Variants in IQSEC1 observed in about 807,000 individuals in gnomAD.
IQSEC1 encodes the protein IQ motif and Sec7 domain ArfGEF 1.
Under a neutral mutation model 91.0 loss-of-function variants are expected in IQSEC1, and 31 were observed. The ratio of observed to expected loss-of-function variants is 0.34; its 90% CI spans 0.26 to 0.46. The LOEUF is 0.46. Ranked by LOEUF, IQSEC1 falls within the 20% of genes least tolerant of loss-of-function variation. The pLI, the probability that IQSEC1 is intolerant of heterozygous loss-of-function variation, is 1.00. For synonymous variants in IQSEC1, 699 were observed against 662.6 expected (o/e 1.05, Z -0.84); for missense variants, 1,388 against 1,575.6 (o/e 0.88, Z 2.02).
chr3:13,246,446 CA>C (rs1695109823), intron 1 of IQSEC1, among the ~76,000 whole-genome samples: 1 of 152,118 alleles, frequency 6.6e-6, no homozygotes, highest in African/African-American at 2.4e-5. Flanking sequence ...GACGGTGGCA[CA>C]TCAGTGTGAG....
intron 1 of IQSEC1, among the ~76,000 whole-genome samples, chr3:13,187,880 C>T (rs1693960788): frequency 6.6e-6 from 1 of 152,142 alleles, no homozygotes; most frequent in South Asian, 2.1e-4. Flanking sequence ...GACAGGAGGC[C>T]TCTGTGTAAC....
At chr3:13,010,927 C>T (rs543693239) in intron 1 of IQSEC1, among the ~76,000 whole-genome samples, 12 of 152,268 alleles carry the variant, frequency 7.9e-5, no homozygotes, top group African/African-American at 2.4e-4. Context: ...AACTCTCCTC[C>T]ACTCCCCACT....
rs183808519 is a variant in IQSEC1 at position 12,942,422 on chromosome 3, G to A, written c.24-557C>T. Among the ~76,000 whole-genome samples the A allele has an allele frequency of 2.1e-3, 312 of 152,060 alleles. 1 individual carries two copies. The highest frequency in any genetic ancestry group is 6.9e-3 in the African/African-American group (287 of 41,418). On this transcript the variant is annotated intron_variant, in intron 1 of 13. Transcript: ENST00000613206. Reference sequence around the variant, plus strand: ...TTGAGACCATCCTGGCTAACACGGCGAAACCCTGTCTCTACTAAAAAATAC... The same window carrying A: ...TTGAGACCATCCTGGCTAACACGGCAAAACCCTGTCTCTACTAAAAAATAC...
chr3:13,136,484 A>G (rs1295471741), intron 2 of IQSEC1, among the ~76,000 whole-genome samples: 2 of 152,236 alleles, frequency 1.3e-5, no homozygotes, highest in African/African-American at 4.8e-5. Flanking sequence ...ACGAGGAAGA[A>G]TGTAAAAGAC....
chr3:13,163,509 C>T (rs1207616526), intron 2 of IQSEC1, among the ~76,000 whole-genome samples: 2 of 108,196 alleles, frequency 1.8e-5, no homozygotes, highest in East Asian at 5.9e-4. Context: ...CCTCAGGCCC[C>T]GTGGCTGGGG....
intron 1 of IQSEC1, among the ~76,000 whole-genome samples, chr3:13,209,579 C>T (rs1005223372): frequency 6.6e-6 from 1 of 152,184 alleles, no homozygotes; most frequent in Non-Finnish European, 1.5e-5. Context: ...CCCTGCCCTC[C>T]CATGTGCCTG....
chr3:13,201,288 G>A (rs974502372), intron 1 of IQSEC1, among the ~76,000 whole-genome samples: 24 of 152,182 alleles, frequency 1.6e-4, no homozygotes, highest in South Asian at 6.2e-4. Context: ...TCCAAGCTGG[G>A]CAGGAGTCCT....
chr3:12,951,990 G>A (rs1378334143), intron 1 of IQSEC1, among the ~76,000 whole-genome samples: 2 of 152,164 alleles, frequency 1.3e-5, no homozygotes, highest in African/African-American at 4.8e-5. Context: ...AGAGTCTGCA[G>A]GAAGCACTGG....
upstream of IQSEC1, among the ~76,000 whole-genome samples, chr3:13,073,472 C>T (rs526658): frequency 0.28 from 42,480 of 152,084 alleles, 6,096 homozygotes; most frequent in Middle Eastern, 0.35. Context: ...ACCCCCCGCG[C>T]CCAAGGAGCA....
At chr3:13,084,789 C>T (rs1359252556) in intron 2 of IQSEC1, among the ~76,000 whole-genome samples, 1 of 152,174 alleles carries the variant, frequency 6.6e-6, no homozygotes, top group Non-Finnish European at 1.5e-5. Flanking sequence ...AGATCTATGC[C>T]CAGAACTGGG....
chr3:12,910,748 T>C (rs370122388), intron 10 of IQSEC1, among the ~76,000 whole-genome samples: 7 of 152,216 alleles, frequency 4.6e-5, no homozygotes, highest in African/African-American at 1.7e-4. Flanking sequence ...TTTTGGATGG[T>C]CCAGCTGCAG....
intron 1 of IQSEC1, among the ~76,000 whole-genome samples, chr3:12,962,393 G>T (rs1001474640): frequency 1.1e-4 from 17 of 152,372 alleles, no homozygotes; most frequent in African/African-American, 4.1e-4. Context: ...AAGTATTCAT[G>T]TTGGCAGACA....
chr3:13,153,027 C>T (rs1707025928), intron 2 of IQSEC1, among the ~76,000 whole-genome samples: 1 of 151,728 alleles, frequency 6.6e-6, no homozygotes, highest in Non-Finnish European at 1.5e-5. Flanking sequence ...CCCATCCTCC[C>T]TCCCATGCCT....
At chr3:13,184,027 A>T (rs1260826077) in intron 1 of IQSEC1, among the ~76,000 whole-genome samples, 2 of 152,254 alleles carry the variant, frequency 1.3e-5, no homozygotes, top group African/African-American at 4.8e-5. Context: ...AATCAAACAA[A>T]TATTCTGATA....
At chr3:13,110,569 C>T (rs1285353481) in intron 2 of IQSEC1, among the ~76,000 whole-genome samples, 2 of 152,176 alleles carry the variant, frequency 1.3e-5, no homozygotes, top group African/African-American at 4.8e-5. Flanking sequence ...AGCCTGGCAA[C>T]AGAGCGAGAC....
intron 1 of IQSEC1, among the ~76,000 whole-genome samples, chr3:13,170,005 G>A (rs1693578168): frequency 6.6e-6 from 1 of 152,234 alleles, no homozygotes; most frequent in South Asian, 2.1e-4. Context: ...AAGACAATAG[G>A]GAAAATGTCT....
At chr3:13,203,714 A>G (rs1694288282) in intron 1 of IQSEC1, among the ~76,000 whole-genome samples, 1 of 152,192 alleles carries the variant, frequency 6.6e-6, no homozygotes, top group East Asian at 1.9e-4. Flanking sequence ...TGTGCTGGCA[A>G]ATGATGGGCA....
intron 1 of IQSEC1, among the ~76,000 whole-genome samples, chr3:13,182,102 C>A (rs1398485472): frequency 6.6e-6 from 1 of 152,254 alleles, no homozygotes; most frequent in Admixed American, 6.5e-5. Context: ...TCATGGTCTG[C>A]AGAGCTACCT....
At chr3:13,034,580 C>T (rs774978813) in intron 1 of IQSEC1, among the ~76,000 whole-genome samples, 16 of 152,216 alleles carry the variant, frequency 1.1e-4, no homozygotes, top group Non-Finnish European at 1.6e-4. Flanking sequence ...ACTTTAAATG[C>T]TCTCTGGACG....
Sources: gnomAD v4.1 joint callset for allele counts (sites outside exome capture counted in the v4.1 genomes callset) on GRCh38, gnomAD v4.1.1 for gene constraint, MANE v1.5 for transcripts, NCBI Gene and HGNC (gene_info 2026-07-23, HGNC 2026-07-21) for gene names.